CHN2: variants seen among roughly 807,000 people sequenced by gnomAD.
CHN2 encodes the protein chimerin 2, also known as beta-chimaerin.
Under a neutral mutation model 56.3 loss-of-function variants are expected in CHN2, and 35 were observed. That is an observed-to-expected ratio of 0.62 (90% CI 0.47 to 0.82). The LOEUF (loss-of-function observed/expected upper bound fraction) is 0.82. Among genes scored for constraint, CHN2 ranks in the 40% least tolerant of loss-of-function variants. The probability of loss-of-function intolerance (pLI) is 0.00; values close to 1 mark genes in which losing one functional copy is unlikely to be tolerated. For synonymous variants in CHN2, 210 were observed against 212.8 expected (o/e 0.99, Z 0.12); for missense variants, 491 against 580.5 (o/e 0.85, Z 1.58).
At chr7:29,376,677 C>A (rs1800103947) in intron 3 of CHN2, among the ~76,000 whole-genome samples, 1 of 152,208 alleles carries the variant, frequency 6.6e-6, no homozygotes, top group South Asian at 2.1e-4. Flanking sequence ...GCTTTTGCCT[C>A]CTGGTAATGC....
chr7:29,371,927 A>G (rs74344407), intron 3 of CHN2, among the ~76,000 whole-genome samples: 4,532 of 152,152 alleles, frequency 0.03, 236 homozygotes, highest in African/African-American at 0.1. Flanking sequence ...TTGCAGGTAA[A>G]GAGCCTCCCA....
intron 6 of CHN2, among the ~76,000 whole-genome samples, chr7:29,452,301 C>T (rs3847002): frequency 0.068 from 10,375 of 152,134 alleles, 611 homozygotes; most frequent in African/African-American, 0.17. Context: ...GACACAATAT[C>T]GCCAGGCTGG....
chr7:29,192,115 T>G (rs1454383133), upstream of CHN2: 1 of 152,222 alleles, frequency 6.6e-6, no homozygotes, highest in East Asian at 1.9e-4. Flanking sequence ...AAGTTATAGC[T>G]CATATCACAC....
chr7:29,275,194 C>T lies in CHN2; in HGVS notation c.50-79431C>T, dbSNP rs192158171. On this transcript the variant is annotated intron_variant, in intron 1 of 12. Coordinates refer to ENST00000222792, the MANE Select transcript of CHN2 (RefSeq NM_004067.4). ...GTTTTGAGAATGAAAAGGTAGTATA[C>T]GTATAAGTTTCTTAAAATAGTGTAT... Among the ~76,000 whole-genome samples the T allele has an allele frequency of 2.8e-4, 43 of 152,042 alleles. No individual in the cohort carries two copies. The East Asian group carries it at 5.8e-3, about 20-fold the overall frequency.
intron 2 of CHN2, among the ~76,000 whole-genome samples, chr7:29,162,979 C>G (rs1464378550): frequency 6.6e-6 from 1 of 152,090 alleles, no homozygotes; most frequent in East Asian, 1.9e-4. Flanking sequence ...ATATAAATAA[C>G]AGTGAAATAT....
chr7:29,252,588 T>G (rs1331959155), intron 1 of CHN2, among the ~76,000 whole-genome samples: 1 of 34,392 alleles, frequency 2.9e-5, no homozygotes, highest in Non-Finnish European at 5.0e-5. Flanking sequence ...GTTTTTTTTT[T>G]TTTTTTTTTT....
intron 6 of CHN2, among the ~76,000 whole-genome samples, chr7:29,424,035 A>G (rs923062701): frequency 1.3e-5 from 2 of 152,168 alleles, no homozygotes; most frequent in African/African-American, 2.4e-5. Context: ...ATTTGCCACT[A>G]TAGAAATTGT....
intron 1 of CHN2, among the ~76,000 whole-genome samples, chr7:29,317,671 AGAGATCATTAGAAACATAG>A (rs1402564294): frequency 2.6e-5 from 4 of 152,164 alleles, no homozygotes; most frequent in Non-Finnish European, 5.9e-5. Context: ...AATAGGAGGG[AGAGATCATTAGAAACATAG>A]GTAAGACATG....
intron 7 of CHN2, among the ~76,000 whole-genome samples, chr7:29,487,589 C>T (rs913977140): frequency 2.6e-5 from 4 of 152,110 alleles, no homozygotes; most frequent in Admixed American, 1.3e-4. Context: ...AACTCAGGGA[C>T]GGGTGGAAAC....
At chr7:29,303,302 T>C (rs945241473) in intron 1 of CHN2, among the ~76,000 whole-genome samples, 7 of 152,046 alleles carry the variant, frequency 4.6e-5, no homozygotes, top group African/African-American at 1.5e-4. Flanking sequence ...CTTATTCCCA[T>C]TGATGCGCCG....
chr7:29,437,109 T>C (rs544500318), intron 6 of CHN2, among the ~76,000 whole-genome samples: 37 of 152,260 alleles, frequency 2.4e-4, no homozygotes, highest in Admixed American at 1.3e-3. Context: ...TGTAAATATA[T>C]ATTTGTTGTA....
intron 3 of CHN2, among the ~76,000 whole-genome samples, chr7:29,379,348 G>C (rs1449339838): frequency 6.6e-6 from 1 of 152,194 alleles, no homozygotes; most frequent in African/African-American, 2.4e-5. Context: ...TTATTTGGTA[G>C]CAACATCTGA....
intron 6 of CHN2, among the ~76,000 whole-genome samples, chr7:29,450,309 T>C (rs932054129): frequency 1.3e-5 from 2 of 152,234 alleles, no homozygotes; most frequent in African/African-American, 4.8e-5. Context: ...AGCCAATAAC[T>C]GTGACCTTAC....
chr7:29,473,482 T>TTTTTTTTTTTTTTG (rs539151442), intron 6 of CHN2, among the ~76,000 whole-genome samples: 1 of 118,168 alleles, frequency 8.5e-6, no homozygotes, highest in African/African-American at 3.3e-5. Flanking sequence ...TTTTTTTTTT[T>TTTTTTTTTTTTTTG]TGTGTGTGTG....
At chr7:29,320,685 C>G (rs1472793564) in intron 1 of CHN2, among the ~76,000 whole-genome samples, 1 of 152,124 alleles carries the variant, frequency 6.6e-6, no homozygotes, top group Non-Finnish European at 1.5e-5. Context: ...TGTCTCGTCA[C>G]CCACACTAGA....
chr7:29,480,205 T>A, intron 6 of CHN2, 74 bp from the exon 7 acceptor site: 1 of 1,613,656 alleles, frequency 6.2e-7, no homozygotes, highest in Non-Finnish European at 8.5e-7. Flanking sequence ...CTGCTGGCCG[T>A]AGCCTTCGGG....
chr7:29,358,602 A>G (rs1798499216), intron 2 of CHN2, among the ~76,000 whole-genome samples: 1 of 151,930 alleles, frequency 6.6e-6, no homozygotes, highest in African/African-American at 2.4e-5. Flanking sequence ...AGCTGGGACT[A>G]CAGGCACCCG....
chr7:29,152,948 T>G (rs1415970454), intron 2 of CHN2, among the ~76,000 whole-genome samples: 1 of 152,248 alleles, frequency 6.6e-6, no homozygotes, highest in African/African-American at 2.4e-5. Context: ...CATGCCACTC[T>G]TCCTTGGAGT....
intron 1 of CHN2, among the ~76,000 whole-genome samples, chr7:29,239,898 G>T (rs1562856646): frequency 6.6e-6 from 1 of 152,172 alleles, no homozygotes; most frequent in Non-Finnish European, 1.5e-5. Flanking sequence ...ACCCATTGTT[G>T]CCCGTTCTTC....
Sources: gnomAD v4.1 joint callset for allele counts (sites outside exome capture counted in the v4.1 genomes callset) on GRCh38, gnomAD v4.1.1 for gene constraint, MANE v1.5 for transcripts, NCBI Gene and HGNC (gene_info 2026-07-23, HGNC 2026-07-21) for gene names.